Variants in SDK1 observed in about 807,000 individuals in gnomAD.
SDK1 encodes the protein sidekick cell adhesion molecule 1.
SDK1 carries 157 observed loss-of-function variants against 245.5 expected under a neutral mutation model. The observed-to-expected ratio is 0.64, with a 90% confidence interval of 0.56 to 0.73. The LOEUF is 0.73. SDK1 is among the 30% of genes least tolerant of loss of function. The probability of loss-of-function intolerance (pLI) is 0.00; values close to 1 mark genes in which losing one functional copy is unlikely to be tolerated. For synonymous variants in SDK1, 1,647 were observed against 1,278.5 expected, an observed-to-expected ratio of 1.29 and a Z score of -6.15; for missense variants, 3,583 against 3,002.3, an observed-to-expected ratio of 1.19 and a Z score of -4.52.
intron 1 of SDK1, among the ~76,000 whole-genome samples, chr7:3,517,003 T>C (rs1782776727): frequency 6.6e-6 from 1 of 152,176 alleles, no homozygotes; most frequent in African/African-American, 2.4e-5. Flanking sequence ...GTGCCTTTTA[T>C]TGTGTTATCT....
intron 4 of SDK1, among the ~76,000 whole-genome samples, chr7:3,756,249 C>T (rs1258572577): frequency 6.7e-6 from 1 of 149,784 alleles, no homozygotes; most frequent in Non-Finnish European, 1.5e-5. Context: ...ACCCTGAGTC[C>T]TTTCACATGG....
chr7:4,183,667 T>C (rs1019238610), intron 35 of SDK1, among the ~76,000 whole-genome samples: 2 of 149,838 alleles, frequency 1.3e-5, no homozygotes, highest in Non-Finnish European at 3.0e-5. Flanking sequence ...AAAGAAAGTA[T>C]GCTTATATTT....
chr7:3,461,786 C>A (rs1780838661), intron 1 of SDK1, among the ~76,000 whole-genome samples: 1 of 152,302 alleles, frequency 6.6e-6, no homozygotes, highest in South Asian at 2.1e-4. Flanking sequence ...CATTTATCTT[C>A]AGCATTTCCT....
chr7:4,001,464 T>G (rs1785066906), intron 14 of SDK1, among the ~76,000 whole-genome samples: 1 of 152,238 alleles, frequency 6.6e-6, no homozygotes, highest in Admixed American at 6.5e-5. Context: ...TGTCTTGACC[T>G]GAGGCTCTGG....
chr7:4,246,292 G>C (rs1037964533), intron 44 of SDK1, among the ~76,000 whole-genome samples: 2 of 152,164 alleles, frequency 1.3e-5, no homozygotes, highest in African/African-American at 4.8e-5. Flanking sequence ...GCTTTCACGT[G>C]CTCCATCTCA....
At chr7:3,432,125 AT>A (rs1289391677) in intron 1 of SDK1, among the ~76,000 whole-genome samples, 108 of 90,772 alleles carry the variant, frequency 1.2e-3, no homozygotes, top group Admixed American at 3.5e-3. Context: ...AAAAAAAAAA[AT>A]ATATATATGT....
At chr7:3,318,633 A>G (rs1318424722) in intron 1 of SDK1, among the ~76,000 whole-genome samples, 1 of 152,102 alleles carries the variant, frequency 6.6e-6, no homozygotes, top group East Asian at 1.9e-4. Context: ...TCCATAGTTT[A>G]TCTTCTCTCC....
At chr7:4,224,027 C>G (rs4723505) in intron 40 of SDK1, among the ~76,000 whole-genome samples, 2 of 151,880 alleles carry the variant, frequency 1.3e-5, no homozygotes, top group African/African-American at 2.4e-5. Context: ...ACTCTTCATA[C>G]GTCTTCCAAG....
Position 4,243,667 on chromosome 7 carries a change from T to A in SDK1, c.6251+1754T>A, listed in dbSNP as rs527773597. ...TCACGAGAACAGCACGGGAAAGACC[T>A]GCCCCCATGATTCAAGTACCTCCCA... On this transcript the variant is annotated intron_variant, in intron 43 of 44. Transcript: ENST00000404826. 2.5e-3 allele frequency among the ~76,000 whole-genome samples: 385 copies of A among 152,324 alleles called. 2 individuals carry two copies. The highest frequency in any genetic ancestry group is 8.6e-3 in the African/African-American group (356 of 41,574).
chr7:4,132,192 G>A, intron 27 of SDK1, 133 bp from the exon 28 acceptor site: 1 of 642,388 alleles, frequency 1.6e-6, no homozygotes, highest in Non-Finnish European at 2.7e-6. Context: ...AAAACTTTAG[G>A]GGGTTCTAAA....
chr7:3,802,494 C>T (rs779029357), intron 4 of SDK1, among the ~76,000 whole-genome samples: 8 of 151,830 alleles, frequency 5.3e-5, no homozygotes, highest in East Asian at 1.9e-4. Flanking sequence ...ATGATCATGC[C>T]GTTGCACTCC....
chr7:4,100,202 G>A (rs938987916), intron 22 of SDK1, among the ~76,000 whole-genome samples: 5 of 152,202 alleles, frequency 3.3e-5, no homozygotes, highest in African/African-American at 1.2e-4. Flanking sequence ...AGAGGGATCA[G>A]ATCTGATGGG....
intron 39 of SDK1, 82 bp from the exon 40 acceptor site, chr7:4,221,157 C>A: frequency 1.3e-6 from 2 of 1,539,844 alleles, no homozygotes; most frequent in Non-Finnish European, 1.8e-6. Flanking sequence ...CCGGTCTGAC[C>A]CCCCACTGTG....
chr7:3,966,035 C>T (rs556424657), intron 9 of SDK1, among the ~76,000 whole-genome samples: 1 of 151,954 alleles, frequency 6.6e-6, no homozygotes, highest in Admixed American at 6.6e-5. Context: ...TCGGGAGCTG[C>T]GAGCAAGCAG....
intron 1 of SDK1, among the ~76,000 whole-genome samples, chr7:3,570,529 C>A (rs1780080157): frequency 2.0e-5 from 3 of 152,200 alleles, no homozygotes; most frequent in South Asian, 2.1e-4. Context: ...CAACTCTTCT[C>A]TGCATCTTGC....
chr7:3,342,319 T>C (rs920750323), intron 1 of SDK1, among the ~76,000 whole-genome samples: 2 of 152,208 alleles, frequency 1.3e-5, no homozygotes, highest in African/African-American at 4.8e-5. Context: ...CCAGGTGCGG[T>C]GGCTCATGCC....
intron 1 of SDK1, among the ~76,000 whole-genome samples, chr7:3,488,628 TCAGCTTC>T (rs1370274456): frequency 6.6e-6 from 1 of 152,214 alleles, no homozygotes; most frequent in Admixed American, 6.5e-5. Context: ...TAGGATGCTT[TCAGCTTC>T]AGGTAATGAA....
In SDK1 at chr7:4,122,825, T is replaced by C. The variant is rs1452052020; in HGVS notation, c.3824-4556T>C. On this transcript the variant is annotated intron_variant, in intron 25 of 44. Transcript: ENST00000404826. ...AAAGGGAGTTGAATCTACTTCAAAA[T>C]AGATGATGGGTAAGAGGTTTCTTTT... Among the ~76,000 whole-genome samples, 4 of 152,320 alleles carry C rather than the reference T, an allele frequency of 2.6e-5. No individual in the cohort carries two copies. The South Asian group carries it at 6.2e-4, about 24-fold the overall frequency.
intron 35 of SDK1, among the ~76,000 whole-genome samples, chr7:4,199,730 C>T (rs1241220506): frequency 6.6e-6 from 1 of 152,172 alleles, no homozygotes; most frequent in Non-Finnish European, 1.5e-5. Context: ...ACCTGTGCTG[C>T]TCTCAGCCCC....
Sources: allele counts gnomAD v4.1 joint callset (sites outside exome capture counted in the v4.1 genomes callset), GRCh38; gene constraint gnomAD v4.1.1; transcripts MANE v1.5; gene names NCBI Gene and HGNC (gene_info 2026-07-23, HGNC 2026-07-21).